The following SH3PXD2A variants were observed in gnomAD, a reference collection of about 807,000 sequenced individuals.
The protein encoded by SH3PXD2A is SH3 and PX domains 2A, also known as SH3 and PX domain-containing protein 2A.
In SH3PXD2A, 32 loss-of-function variants were observed where a neutral mutation model predicts 115.2. That is an observed-to-expected ratio of 0.28 (90% CI 0.21 to 0.37). The LOEUF (loss-of-function observed/expected upper bound fraction) is 0.37, where lower values mean the gene tolerates loss of function less well. SH3PXD2A is among the 10% of genes least tolerant of loss of function. The probability of loss-of-function intolerance (pLI) is 1.00; values close to 1 mark genes in which losing one functional copy is unlikely to be tolerated. For missense variants in SH3PXD2A, 1,328 were observed against 1,498.7 expected, an observed-to-expected ratio of 0.89 and a Z score of 1.88; for synonymous variants, 610 against 629.1, an observed-to-expected ratio of 0.97 and a Z score of 0.45.
intron 9 of SH3PXD2A, among the ~76,000 whole-genome samples, chr10:103,623,718 CCT>C (rs1430750749): frequency 1.3e-5 from 2 of 152,196 alleles, no homozygotes; most frequent in East Asian, 1.9e-4. Context: ...CATCTCTAAG[CCT>C]CTCTTTCCTC....
chr10:103,607,742 G>A (rs545940257), intron 13 of SH3PXD2A, among the ~76,000 whole-genome samples: 1,595 of 152,306 alleles, frequency 0.01, 27 homozygotes, highest in African/African-American at 0.036. Flanking sequence ...TTGAGAAATC[G>A]GATGGTTGCC....
At chr10:103,751,757 C>T (rs1324583077) in intron 3 of SH3PXD2A, among the ~76,000 whole-genome samples, 2 of 152,108 alleles carry the variant, frequency 1.3e-5, no homozygotes, top group African/African-American at 4.8e-5. Context: ...GAGATGGGTG[C>T]AAGAGAGGCA....
intron 6 of SH3PXD2A, among the ~76,000 whole-genome samples, chr10:103,676,189 T>C (rs375724684): frequency 6.6e-6 from 1 of 152,230 alleles, no homozygotes; most frequent in Non-Finnish European, 1.5e-5. Context: ...CCCTGGCCAC[T>C]GGCCAAGGCT....
rs2036834976 is a variant in SH3PXD2A at position 103,634,429 on chromosome 10, G to A, written c.605-7227C>T. ...ACATATATGACTTTATTCACACTTC[G>A]AGGATCTTGAGAAATAAATGTTCTT... is the stretch of plus-strand genomic sequence containing the variant. On this transcript the variant is annotated intron_variant, in intron 8 of 14. Coordinates refer to ENST00000369774, the MANE Select transcript of SH3PXD2A (RefSeq NM_001394015.1). 2.0e-5 allele frequency among the ~76,000 whole-genome samples: 3 copies of A among 152,296 alleles called. No homozygotes were observed. The South Asian group carries it at 6.2e-4, about 32-fold the overall frequency.
intron 8 of SH3PXD2A, among the ~76,000 whole-genome samples, chr10:103,641,876 C>T (rs147938539): frequency 1.3e-5 from 2 of 152,344 alleles, no homozygotes; most frequent in Admixed American, 6.5e-5. Flanking sequence ...GCAAGAGTGA[C>T]TCTGAATCTG....
chr10:103,719,513 C>T (rs2038151987), intron 5 of SH3PXD2A, among the ~76,000 whole-genome samples: 1 of 152,162 alleles, frequency 6.6e-6, no homozygotes. Flanking sequence ...AACAGAGACC[C>T]TCTGAGACCC....
chr10:103,843,362 T>G (rs2039618648), intron 1 of SH3PXD2A, among the ~76,000 whole-genome samples: 1 of 152,220 alleles, frequency 6.6e-6, no homozygotes, highest in Non-Finnish European at 1.5e-5. Flanking sequence ...TGGTTTTGCC[T>G]AAGCAAGCAT....
Position 103,627,909 on chromosome 10 carries a change from C to T in SH3PXD2A, c.605-707G>A, listed in dbSNP as rs1399379764. On this transcript the variant is annotated intron_variant, in intron 8 of 14. Coordinates refer to ENST00000369774, the MANE Select transcript of SH3PXD2A (RefSeq NM_001394015.1). The surrounding 1 kb of genome is among the most constrained non-coding windows in gnomAD (Gnocchi z 4.4). ...GTCCTCTTCACACGGTCCTGTCTTC[C>T]TCCTCATCCCTTCTTCCCTGACACT... Among the ~76,000 whole-genome samples the T allele has an allele frequency of 6.6e-6, 1 of 152,240 alleles. No individual in the cohort carries two copies. Among genetic ancestry groups the T allele is most frequent in the East Asian group, 1.9e-4 (1 of 5,206 alleles).
intron 2 of SH3PXD2A, among the ~76,000 whole-genome samples, chr10:103,778,281 G>C (rs1285848584): frequency 6.6e-6 from 1 of 152,202 alleles, no homozygotes; most frequent in Non-Finnish European, 1.5e-5. Flanking sequence ...GCAGTGAACC[G>C]AGATCGTGCC....
chr10:103,612,246 A>G (rs971501926), intron 12 of SH3PXD2A, among the ~76,000 whole-genome samples: 1 of 152,206 alleles, frequency 6.6e-6, no homozygotes, highest in East Asian at 1.9e-4. Flanking sequence ...CTCCTGTAGA[A>G]ATGAAGATGA....
chr10:103,681,505 C>T (rs879942660), intron 6 of SH3PXD2A, among the ~76,000 whole-genome samples: 1 of 152,242 alleles, frequency 6.6e-6, no homozygotes, highest in Non-Finnish European at 1.5e-5. Context: ...CAGTGGCTCA[C>T]GCCTATAATC....
intron 8 of SH3PXD2A, among the ~76,000 whole-genome samples, chr10:103,632,790 A>G (rs1370825127): frequency 1.3e-5 from 2 of 152,138 alleles, no homozygotes; most frequent in Non-Finnish European, 2.9e-5. Context: ...CCCAGCCAAC[A>G]TGGTGAAACC....
intron 13 of SH3PXD2A, among the ~76,000 whole-genome samples, chr10:103,610,729 G>A (rs1247174907): frequency 2.0e-5 from 3 of 152,160 alleles, no homozygotes. Context: ...AAACCTGTTT[G>A]CTAGCCCCCC....
intron 5 of SH3PXD2A, among the ~76,000 whole-genome samples, chr10:103,720,588 C>A (rs1227655144): frequency 6.6e-6 from 1 of 152,224 alleles, no homozygotes; most frequent in South Asian, 2.1e-4. Flanking sequence ...CAGGGGTTAT[C>A]TACAAAATTC....
chr10:103,706,609 C>T (rs187751909), intron 5 of SH3PXD2A, among the ~76,000 whole-genome samples: 71 of 152,304 alleles, frequency 4.7e-4, no homozygotes, highest in Non-Finnish European at 3.7e-4. Context: ...CCAGGCCCAG[C>T]ACAGGGCTGG....
intron 3 of SH3PXD2A, among the ~76,000 whole-genome samples, chr10:103,748,546 A>G (rs1359244810): frequency 6.6e-6 from 1 of 152,188 alleles, no homozygotes. Flanking sequence ...CGCAAAGGAT[A>G]CTGTGTATGG....
At chr10:103,632,523 G>A (rs1199246207) in intron 8 of SH3PXD2A, among the ~76,000 whole-genome samples, 1 of 152,204 alleles carries the variant, frequency 6.6e-6, no homozygotes, top group Non-Finnish European at 1.5e-5. Context: ...CTCACGCCAG[G>A]GTTCCTGGAG....
At chr10:103,855,125 CAAGGGGCCATCCGGGGCCCTCCCGG>C in intron 1 of SH3PXD2A, 45 bp downstream of exon 1, 1 of 1,130,184 alleles carries the variant, frequency 8.8e-7, no homozygotes, top group Non-Finnish European at 1.3e-6. Flanking sequence ...CTGGGAGGGG[CAAGGGGCCATCCGGGGCCCTCCCGG>C]GACCTCGGGC....
chr10:103,702,596 C>CATGTGTGTGTGTGTGTGT (rs72182362), intron 5 of SH3PXD2A, among the ~76,000 whole-genome samples: 1 of 147,448 alleles, frequency 6.8e-6, no homozygotes, highest in African/African-American at 2.5e-5. Context: ...TGTGTGTGTG[C>CATGTGTGTGTGTGTGTGT]GTGTGTGTGT....
Sources: gnomAD v4.1 joint callset for allele counts (sites outside exome capture counted in the v4.1 genomes callset) on GRCh38, gnomAD v4.1.1 for gene constraint, Gnocchi (gnomAD v3.1) non-coding constraint, MANE v1.5 for transcripts, NCBI Gene and HGNC (gene_info 2026-07-23, HGNC 2026-07-21) for gene names.